INSYN2B: variants seen among roughly 807,000 people sequenced by gnomAD.
INSYN2B encodes the protein protein INSYN2B.
INSYN2B carries 16 observed loss-of-function variants against 41.2 expected under a neutral mutation model. That is an observed-to-expected ratio of 0.39 (90% confidence interval 0.26 to 0.59). The LOEUF (loss-of-function observed/expected upper bound fraction) is 0.59, where lower values mean the gene tolerates loss of function less well. Ranked by LOEUF, INSYN2B falls within the 20% of genes least tolerant of loss-of-function variation. The probability of loss-of-function intolerance (pLI) is 0.57; values close to 1 mark genes in which losing one functional copy is unlikely to be tolerated. For synonymous variants in INSYN2B, 245 were observed against 244.4 expected (o/e 1.00, Z -0.02); for missense variants, 608 against 646.4 (o/e 0.94, Z 0.64).
intron 3 of INSYN2B, among the ~76,000 whole-genome samples, chr5:169,873,998 C>T (rs902704372): frequency 7.2e-5 from 11 of 152,180 alleles, no homozygotes; most frequent in Non-Finnish European, 1.0e-4. Context: ...GTGCTAGGAA[C>T]GAGAATGCTG....
intron 1 of INSYN2B, among the ~76,000 whole-genome samples, chr5:169,953,609 A>C (rs1776753519): frequency 6.6e-6 from 1 of 152,182 alleles, no homozygotes; most frequent in South Asian, 2.1e-4. Flanking sequence ...AGAGTCAGCT[A>C]CAGAGGAGAC....
intron 3 of INSYN2B, among the ~76,000 whole-genome samples, chr5:169,867,557 G>A (rs1771660140): frequency 2.0e-5 from 3 of 151,350 alleles, no homozygotes; most frequent in Admixed American, 6.6e-5. Flanking sequence ...TCATCTATCA[G>A]TATCTATTAT....
chr5:169,899,383 G>T (rs1173252796), intron 1 of INSYN2B, among the ~76,000 whole-genome samples: 1 of 152,150 alleles, frequency 6.6e-6, no homozygotes, highest in Admixed American at 6.6e-5. Flanking sequence ...CCAAGAATCA[G>T]GTTCAATGAG....
chr5:169,896,341 T>G (rs2113559903), intron 1 of INSYN2B, among the ~76,000 whole-genome samples: 1 of 152,196 alleles, frequency 6.6e-6, no homozygotes, highest in Admixed American at 6.5e-5. Context: ...ATAATTTAGG[T>G]AGTGTGGCAT....
intron 1 of INSYN2B, among the ~76,000 whole-genome samples, chr5:169,946,860 A>G (rs889915766): frequency 2.0e-5 from 3 of 152,198 alleles, no homozygotes; most frequent in African/African-American, 7.2e-5. Context: ...CTGGACCTGA[A>G]TATCGAGATG....
intron 1 of INSYN2B, among the ~76,000 whole-genome samples, chr5:169,955,906 A>G (rs1376914064): frequency 2.0e-5 from 3 of 152,192 alleles, no homozygotes; most frequent in Non-Finnish European, 4.4e-5. Flanking sequence ...GTACTGCTCA[A>G]GTCAGAACAA....
In INSYN2B at chr5:169,884,523, A is replaced by T. The variant is rs76962632; in HGVS notation, c.-625T>A. On this transcript the variant is annotated 5_prime_UTR_variant, in exon 2 of 4. It adds an upstream start codon to the 5' untranslated region. Transcript: ENST00000377365. ...AACATTCCCATTTATGTCAATCACA[A>T]ATTCCTCCTTTGGGGCCATTGTTTT... The T allele has an allele frequency of 6.6e-6, 1 of 152,196 alleles. No homozygotes were observed. The highest frequency in any genetic ancestry group is 2.4e-5 in the African/African-American group (1 of 41,454). 9.4% of individuals were successfully genotyped at this position (152,196 alleles called of 1,614,324 possible).
At chr5:169,933,109 G>A (rs1037037012) in intron 1 of INSYN2B, among the ~76,000 whole-genome samples, 5 of 152,258 alleles carry the variant, frequency 3.3e-5, no homozygotes, top group East Asian at 3.9e-4. Context: ...CCTTACTCCC[G>A]ACCCTCTCAC....
intron 1 of INSYN2B, among the ~76,000 whole-genome samples, chr5:169,963,429 T>G (rs151279470): frequency 7.7e-4 from 118 of 152,302 alleles, no homozygotes; most frequent in African/African-American, 2.6e-3. Context: ...CCTGGGGACC[T>G]ATGCTTAGCA....
At chr5:169,929,359 G>A (rs371775752) in intron 1 of INSYN2B, among the ~76,000 whole-genome samples, 14 of 152,164 alleles carry the variant, frequency 9.2e-5, no homozygotes, top group Middle Eastern at 3.4e-3. Context: ...CTTTTTACAC[G>A]TAGATTTTCC....
At chr5:169,947,099 A>T (rs1776483197) in intron 1 of INSYN2B, among the ~76,000 whole-genome samples, 1 of 152,038 alleles carries the variant, frequency 6.6e-6, no homozygotes, top group Non-Finnish European at 1.5e-5. Context: ...CAACACTATG[A>T]CTCCCTGTTA....
At chr5:169,913,783 T>C (rs1326549682) in intron 1 of INSYN2B, among the ~76,000 whole-genome samples, 1 of 152,200 alleles carries the variant, frequency 6.6e-6, no homozygotes. Flanking sequence ...TTATTTTTGA[T>C]CAATGAGGAA....
intron 1 of INSYN2B, among the ~76,000 whole-genome samples, chr5:169,948,617 T>C (rs1776538979): frequency 6.6e-6 from 1 of 151,616 alleles, no homozygotes; most frequent in Non-Finnish European, 1.5e-5. Context: ...CAATTAATTT[T>C]TTTTTTTTTT....
intron 1 of INSYN2B, among the ~76,000 whole-genome samples, chr5:169,971,718 G>T (rs184753974): frequency 6.6e-6 from 1 of 152,196 alleles, no homozygotes; most frequent in Non-Finnish European, 1.5e-5. Context: ...AGCAGAGCTG[G>T]CCTGAAGGCA....
intron 3 of INSYN2B, among the ~76,000 whole-genome samples, chr5:169,879,906 CATT>C (rs747039427): frequency 2.1e-4 from 32 of 152,162 alleles, no homozygotes; most frequent in Non-Finnish European, 4.3e-4. Context: ...ACAGAAAATA[CATT>C]ATCTGGCTCC....
intron 1 of INSYN2B, among the ~76,000 whole-genome samples, chr5:169,926,399 G>C (rs1775458648): frequency 6.6e-6 from 1 of 152,198 alleles, no homozygotes; most frequent in South Asian, 2.1e-4. Context: ...TATACATGCT[G>C]GCATTACTGT....
In INSYN2B at chr5:169,883,291, T is replaced by G; in HGVS notation, c.608A>C (p.Gln203Pro). The change falls in exon 2 of 4, where the codon CAG (glutamine) becomes CCG (proline). Residue 203 changes from glutamine to proline, a missense_variant. Coordinates refer to ENST00000377365, the MANE Select transcript of INSYN2B (RefSeq NM_001129891.3). ...RSLEKATAAI[Q>P]VPDDIYHSPS... Reference sequence around the variant, plus strand: ...ACTGTGATAAATATCATCTGGAACCTGAATGGCAGCTGTGGCTTTCTCTAA... The same window carrying G: ...ACTGTGATAAATATCATCTGGAACCGGAATGGCAGCTGTGGCTTTCTCTAA... 6.4e-7 allele frequency: 1 copy of G among 1,551,632 alleles called. No individual in the cohort carries two copies. Among genetic ancestry groups the G allele is most frequent in the Middle Eastern group, 1.7e-4 (1 of 5,988 alleles).
intron 1 of INSYN2B, among the ~76,000 whole-genome samples, chr5:169,963,887 TGTGG>T (rs1561854280): frequency 6.6e-6 from 1 of 152,046 alleles, no homozygotes; most frequent in Admixed American, 6.5e-5. Flanking sequence ...ATTCAGTGGG[TGTGG>T]GGTGGAGCCT....
chr5:169,918,189 A>G (rs149812778), intron 1 of INSYN2B, among the ~76,000 whole-genome samples: 1 of 152,222 alleles, frequency 6.6e-6, no homozygotes, highest in Admixed American at 6.5e-5. Flanking sequence ...CAGAAACCAC[A>G]TATGATCCTT....
Sources: allele counts gnomAD v4.1 joint callset (sites outside exome capture counted in the v4.1 genomes callset), GRCh38; gene constraint gnomAD v4.1.1; transcripts MANE v1.5; gene names NCBI Gene and HGNC (gene_info 2026-07-23, HGNC 2026-07-21).